The following NR2C2 variants were observed in gnomAD, a reference collection of about 807,000 sequenced individuals.
NR2C2 encodes the protein Nuclear hormone receptor TR4.
NR2C2 carries 6 observed loss-of-function variants against 62.9 expected under a neutral mutation model. The observed-to-expected ratio is 0.10, with a 90% CI of 0.05 to 0.19. The LOEUF is 0.19. Among genes scored for constraint, NR2C2 ranks in the 10% least tolerant of loss-of-function variants. The pLI is 1.00. For synonymous variants in NR2C2, 272 were observed against 273.8 expected (o/e 0.99, Z 0.07); for missense variants, 479 against 762.7 (o/e 0.63, Z 4.38).
Position 15,049,265 on chromosome 3 carries a change from A to G in NR2C2, c.*6257A>G, listed in dbSNP as rs2042562800. On this transcript the variant is annotated 3_prime_UTR_variant, in exon 14 of 14. Transcript: ENST00000425241. ...AGGTTTATACTATTAAAAGTGAATT[A>G]AAGACTAACATGCATCCTGCTCTTC... The G allele has an allele frequency of 6.5e-6, 1 of 152,760 alleles. No homozygotes were observed. Among genetic ancestry groups the G allele is most frequent in the Non-Finnish European group, 1.5e-5 (1 of 68,120 alleles). 9.5% of individuals were successfully genotyped at this position (152,760 alleles called of 1,614,324 possible).
intron 2 of NR2C2, among the ~76,000 whole-genome samples, chr3:15,004,983 C>G (rs2041127262): frequency 6.6e-6 from 1 of 151,652 alleles, no homozygotes; most frequent in Non-Finnish European, 1.5e-5. Flanking sequence ...GAACTCCTGA[C>G]CTCAAGTGAT....
intron 4 of NR2C2, among the ~76,000 whole-genome samples, chr3:15,018,798 C>T (rs1243186129): frequency 6.6e-6 from 1 of 151,964 alleles, no homozygotes; most frequent in East Asian, 1.9e-4. Context: ...AGGTGGATCA[C>T]CTGAGGTCAG....
At chr3:15,023,749 GA>G (rs1222563360) in intron 6 of NR2C2, among the ~76,000 whole-genome samples, 2 of 152,198 alleles carry the variant, frequency 1.3e-5, no homozygotes, top group South Asian at 2.1e-4. Flanking sequence ...GGAACGGAAA[GA>G]GGGGAAAACA....
intron 1 of NR2C2, among the ~76,000 whole-genome samples, chr3:14,974,488 A>T (rs2125304284): frequency 6.6e-6 from 1 of 152,324 alleles, no homozygotes; most frequent in East Asian, 1.9e-4. Flanking sequence ...TGTTGACTTC[A>T]TAACAGTATT....
chr3:15,030,553 C>A lies in NR2C2; in HGVS notation c.1110+101C>A. On this transcript the variant is annotated intron_variant, in intron 9 of 13. Coordinates refer to ENST00000425241, the MANE Select transcript of NR2C2 (RefSeq NM_001291694.2). ...TTAAAAATCAAACCTTGGGGCCAGG[C>A]ATAGTGGCTCATGCCTGTAATCTTA... The A allele has an allele frequency of 9.2e-6, 11 of 1,196,258 alleles. No individual in the cohort carries two copies. The Middle Eastern group carries it at 8.1e-4, about 88-fold the overall frequency. The allele number at this position is 1,196,258 out of a possible 1,614,324, so 74.1% of individuals were successfully genotyped here.
chr3:15,031,055 T>A (rs1257875019), intron 9 of NR2C2, among the ~76,000 whole-genome samples: 1 of 152,194 alleles, frequency 6.6e-6, no homozygotes, highest in African/African-American at 2.4e-5. Context: ...TGCTGAGGGC[T>A]GAATGCTCTG....
At chr3:15,013,857 C>T (rs891482022) in intron 3 of NR2C2, 68 bp downstream of exon 3, 1 of 1,533,500 alleles carries the variant, frequency 6.5e-7, no homozygotes, top group Non-Finnish European at 9.0e-7. Context: ...CTTGTTCTTA[C>T]ATCTGCCTTC....
At chr3:14,949,922 A>G (rs964760786) in intron 1 of NR2C2, among the ~76,000 whole-genome samples, 6 of 152,188 alleles carry the variant, frequency 3.9e-5, no homozygotes, top group African/African-American at 9.7e-5. Context: ...TGTTGTGGTT[A>G]GCAACTCCCC....
chr3:15,024,042 A>G (rs1257705206), intron 6 of NR2C2, 73 bp from the exon 7 acceptor site: 3 of 1,018,780 alleles, frequency 2.9e-6, no homozygotes, highest in Non-Finnish European at 4.6e-6. Flanking sequence ...GTGGAAGGAC[A>G]GGTAAATGCA....
At chr3:14,951,533 C>G (rs2039356647) in intron 1 of NR2C2, among the ~76,000 whole-genome samples, 1 of 151,462 alleles carries the variant, frequency 6.6e-6, no homozygotes, top group Non-Finnish European at 1.5e-5. Context: ...TTTTTGGTAT[C>G]ACTTGTTCAA....
intron 1 of NR2C2, among the ~76,000 whole-genome samples, chr3:14,954,513 T>C (rs978995578): frequency 5.3e-5 from 8 of 152,160 alleles, no homozygotes; most frequent in Non-Finnish European, 1.0e-4. Context: ...GAGAAATAAA[T>C]TGGGCATAGT....
chr3:15,033,233 T>A (rs1351223692), intron 10 of NR2C2, among the ~76,000 whole-genome samples: 2 of 152,250 alleles, frequency 1.3e-5, no homozygotes, highest in African/African-American at 4.8e-5. Context: ...GTTGACACTA[T>A]TGTCTTTGGG....
At chr3:14,953,653 T>C (rs2039434411) in intron 1 of NR2C2, among the ~76,000 whole-genome samples, 1 of 152,108 alleles carries the variant, frequency 6.6e-6, no homozygotes, top group South Asian at 2.1e-4. Flanking sequence ...CCCAGCACTT[T>C]GGGAGGCCAA....
At position 15,016,247 on chromosome 3, in the gene NR2C2, A is replaced by C. The variant is rs1050484575; in HGVS notation, c.369A>C (p.Lys123Asn). 6.8e-6 allele frequency: 11 copies of C among 1,612,872 alleles called. No individual in the cohort carries two copies. Among genetic ancestry groups the C allele is most frequent in the Non-Finnish European group, 9.3e-6 (11 of 1,179,058 alleles). Residue 123 changes from lysine (K) to asparagine (N), a missense_variant, in exon 4 of 14, where the codon AAA becomes AAC. Coordinates refer to ENST00000425241, the MANE Select transcript of NR2C2 (RefSeq NM_001291694.2). ...VVEYCVVCGD[K>N]ASGRHYGAVS... ...AGTACTGTGTGGTCTGTGGCGACAA[A>C]GCCTCCGGTATGTAGTTCCAGGTTA...
intron 1 of NR2C2, among the ~76,000 whole-genome samples, chr3:14,987,571 A>G (rs2040545628): frequency 6.6e-6 from 1 of 152,222 alleles, no homozygotes; most frequent in Non-Finnish European, 1.5e-5. Flanking sequence ...CTATGTAAAA[A>G]TAGTCATTTC....
intron 5 of NR2C2, among the ~76,000 whole-genome samples, chr3:15,022,754 G>A (rs1042648124): frequency 6.6e-6 from 1 of 152,098 alleles, no homozygotes; most frequent in Non-Finnish European, 1.5e-5. Flanking sequence ...AGCTGGGCAC[G>A]GTGGCTTATG....
intron 1 of NR2C2, chr3:14,962,334 A>AT (rs2039709588): frequency 6.5e-6 from 1 of 152,794 alleles, no homozygotes; most frequent in South Asian, 2.1e-4. Context: ...CCAAAGATGA[A>AT]TTTTGATTAC....
intron 5 of NR2C2, among the ~76,000 whole-genome samples, chr3:15,022,398 C>CTTTTTTTTTTT (rs71038450): frequency 6.5e-4 from 58 of 89,130 alleles, no homozygotes; most frequent in Non-Finnish European, 9.5e-4. Flanking sequence ...CTTTTTCTTT[C>CTTTTTTTTTTT]TTTTTTTTTT....
In NR2C2 at chr3:15,047,096, AGTGT is replaced by A. The variant is rs1171221983; in HGVS notation, c.*4093_*4096del. On this transcript the variant is annotated 3_prime_UTR_variant, in exon 14 of 14. Coordinates refer to ENST00000425241, the MANE Select transcript of NR2C2 (RefSeq NM_001291694.2). The stretch of plus-strand genomic sequence containing the variant: ...TCCTCTCCATATGTACAGTGTATAT[AGTGT>A]GTGTATGTGTACATAGATGTATATT... The A allele has an allele frequency of 2.6e-5, 4 of 152,656 alleles. No individual in the cohort carries two copies. The highest frequency in any genetic ancestry group is 2.0e-4 in the Admixed American group (3 of 15,286). 9.5% of individuals were successfully genotyped at this position (152,656 alleles called of 1,614,324 possible).
Sources: gnomAD v4.1 joint callset for allele counts (sites outside exome capture counted in the v4.1 genomes callset) on GRCh38, gnomAD v4.1.1 for gene constraint, MANE v1.5 for transcripts, NCBI Gene and HGNC (gene_info 2026-07-23, HGNC 2026-07-21) for gene names.